NRG3: variants seen among roughly 807,000 people sequenced by gnomAD.
NRG3 encodes the protein pro-neuregulin-3, membrane-bound isoform.
Under a neutral mutation model 66.9 loss-of-function variants are expected in NRG3, and 31 were observed. The ratio of observed to expected loss-of-function variants is 0.46; its 90% CI spans 0.35 to 0.63. The LOEUF is 0.63. NRG3 is among the 20% of genes least tolerant of loss of function. The probability of loss-of-function intolerance (pLI) is 0.00; values close to 1 mark genes in which losing one functional copy is unlikely to be tolerated. For synonymous variants in NRG3, 393 were observed against 359.4 expected (o/e 1.09, Z -1.06); for missense variants, 910 against 878.9 (o/e 1.04, Z -0.45).
intron 3 of NRG3, among the ~76,000 whole-genome samples, chr10:82,847,225 T>G (rs923584426): frequency 9.2e-5 from 14 of 152,206 alleles, no homozygotes; most frequent in African/African-American, 3.4e-4. Context: ...AAGCCCCATT[T>G]GGAAATTATC....
intron 2 of NRG3, among the ~76,000 whole-genome samples, chr10:82,601,533 T>C (rs560930537): frequency 6.6e-6 from 1 of 152,286 alleles, no homozygotes; most frequent in South Asian, 2.1e-4. Flanking sequence ...TTTCAAAGTG[T>C]TCTCCAAAAG....
intron 2 of NRG3, among the ~76,000 whole-genome samples, chr10:82,683,628 A>G (rs2054283378): frequency 6.6e-6 from 1 of 152,198 alleles, no homozygotes; most frequent in African/African-American, 2.4e-5. Flanking sequence ...CAAGAATTGA[A>G]AAACTATAAG....
intron 2 of NRG3, among the ~76,000 whole-genome samples, chr10:82,689,222 A>C (rs939519245): frequency 6.6e-6 from 1 of 152,140 alleles, no homozygotes; most frequent in Non-Finnish European, 1.5e-5. Context: ...AGGACGTAAA[A>C]ATGTTATCTT....
chr10:82,482,440 A>T (rs1157974730), intron 2 of NRG3, among the ~76,000 whole-genome samples: 1 of 152,142 alleles, frequency 6.6e-6, no homozygotes, highest in African/African-American at 2.4e-5. Context: ...GAAATCACAA[A>T]GATTTTGTGG....
At chr10:82,219,359 C>T (rs1040826462) in intron 1 of NRG3, among the ~76,000 whole-genome samples, 9 of 149,958 alleles carry the variant, frequency 6.0e-5, no homozygotes, top group African/African-American at 1.7e-4. Flanking sequence ...TTCTGGGGGG[C>T]GTAGTCATCC....
chr10:82,961,366 C>T (rs1322549017), intron 6 of NRG3, among the ~76,000 whole-genome samples: 2 of 152,168 alleles, frequency 1.3e-5, no homozygotes, highest in Non-Finnish European at 2.9e-5. Flanking sequence ...AAATCTCTAT[C>T]AGTTTTTGTT....
chr10:81,895,118 C>T (rs1266178952), intron 1 of NRG3, among the ~76,000 whole-genome samples: 7 of 152,078 alleles, frequency 4.6e-5, no homozygotes, highest in East Asian at 1.9e-4. Flanking sequence ...ACTATCTGCA[C>T]GGGTTGGTCG....
chr10:82,372,679 C>T (rs967393687), intron 2 of NRG3, among the ~76,000 whole-genome samples: 1 of 152,142 alleles, frequency 6.6e-6, no homozygotes, highest in Non-Finnish European at 1.5e-5. Flanking sequence ...CTGCAACCTC[C>T]ACCTCCCTGG....
chr10:82,362,552 T>TTTTTTTTTTTGTTG (rs2084245764), intron 2 of NRG3, among the ~76,000 whole-genome samples: 3 of 107,266 alleles, frequency 2.8e-5, no homozygotes. Context: ...TTCTGGGTTT[T>TTTTTTTTTTTGTTG]TTTTTTTTTT....
chr10:82,763,663 G>A (rs1040479379), intron 3 of NRG3, among the ~76,000 whole-genome samples: 2 of 146,680 alleles, frequency 1.4e-5, no homozygotes, highest in Non-Finnish European at 2.9e-5. Flanking sequence ...CACTTCCCAT[G>A]TTCAAAAAAA....
At chr10:81,913,887 T>C (rs968132088) in intron 1 of NRG3, among the ~76,000 whole-genome samples, 2 of 152,228 alleles carry the variant, frequency 1.3e-5, no homozygotes, top group East Asian at 1.9e-4. Context: ...TTAAAAGATG[T>C]TTAAAATATA....
chr10:82,707,131 A>G (rs1279805974), intron 2 of NRG3, among the ~76,000 whole-genome samples: 2 of 151,154 alleles, frequency 1.3e-5, no homozygotes, highest in African/African-American at 4.9e-5. Context: ...TTATTTGCAT[A>G]TTAACTTGAG....
chr10:82,296,869 C>A (rs549498836), intron 1 of NRG3, among the ~76,000 whole-genome samples: 1 of 151,936 alleles, frequency 6.6e-6, no homozygotes, highest in East Asian at 1.9e-4. Flanking sequence ...TTCTAGTGAA[C>A]CCATCTTCTA....
In NRG3 at chr10:82,298,280, G is replaced by A. The variant is rs565096474; in HGVS notation, c.824-60459G>A. 4.6e-3 allele frequency among the ~76,000 whole-genome samples: 690 copies of A among 151,456 alleles called. 6 individuals are homozygous for A. The highest frequency in any genetic ancestry group is 0.016 in the African/African-American group (660 of 41,318). On this transcript the variant is annotated intron_variant, in intron 1 of 8. Coordinates refer to ENST00000372141, the MANE Select transcript of NRG3 (RefSeq NM_001010848.4). ...GAGGGAGGGAAGGAAGGGAGAGAGG[G>A]AGGAAGGAAGGAAGGAAGGAAGGTG...
In NRG3 at chr10:82,631,951, A is replaced by C. The variant is rs576936508; in HGVS notation, c.954-106626A>C. Among the ~76,000 whole-genome samples the C allele has an allele frequency of 8.6e-5, 13 of 152,014 alleles. 1 individual carries two copies. The East Asian group carries it at 2.5e-3, about 30-fold the overall frequency. ...ATTCCGTCTCTACCAAAAATACAAA[A>C]ATTAGCTGAGTGTGGTGCCAGGTGC... On this transcript the variant is annotated intron_variant, in intron 2 of 8. Transcript: ENST00000372141.
At chr10:82,693,519 G>C (rs1490256313) in intron 2 of NRG3, among the ~76,000 whole-genome samples, 1 of 152,186 alleles carries the variant, frequency 6.6e-6, no homozygotes, top group African/African-American at 2.4e-5. Context: ...GTGACTGTGT[G>C]TGAGTTACTA....
chr10:82,432,864 T>C (rs1461314936), intron 2 of NRG3, among the ~76,000 whole-genome samples: 4 of 152,214 alleles, frequency 2.6e-5, no homozygotes, highest in African/African-American at 9.7e-5. Flanking sequence ...CAGTCTATCA[T>C]TGATGGGCTT....
intron 1 of NRG3, among the ~76,000 whole-genome samples, chr10:82,213,334 A>G (rs1046175562): frequency 6.6e-6 from 1 of 152,240 alleles, no homozygotes; most frequent in African/African-American, 2.4e-5. Context: ...TGATATCACA[A>G]GTTGAAAATC....
chr10:81,902,649 C>T (rs1844189244), intron 1 of NRG3, among the ~76,000 whole-genome samples: 1 of 152,104 alleles, frequency 6.6e-6, no homozygotes, highest in Non-Finnish European at 1.5e-5. Context: ...TTTCAGCCGC[C>T]TAGTTCATGG....
Sources: gnomAD v4.1 joint callset for allele counts (sites outside exome capture counted in the v4.1 genomes callset) on GRCh38, gnomAD v4.1.1 for gene constraint, MANE v1.5 for transcripts, NCBI Gene and HGNC (gene_info 2026-07-23, HGNC 2026-07-21) for gene names.